The following ZFR variants were observed in gnomAD, a reference collection of about 807,000 sequenced individuals.
ZFR encodes zinc finger RNA binding protein, also known as zinc finger RNA-binding protein.
A neutral mutation model predicts 130.7 loss-of-function variants in ZFR; 19 were observed. The observed-to-expected ratio is 0.15, with a 90% CI of 0.10 to 0.21. The LOEUF is 0.21. Ranked by LOEUF, ZFR falls within the 10% of genes least tolerant of loss-of-function variation. ZFR has a pLI of 1.00. For missense variants in ZFR, 872 were observed against 1,321.5 expected (o/e 0.66, Z 5.27); for synonymous variants, 466 against 456.9 (o/e 1.02, Z -0.25).
rs773531753 is a variant in ZFR at position 32,403,237 on chromosome 5, G to C, written c.1385C>G (p.Ala462Gly). 3.1e-6 allele frequency: 5 copies of C among 1,614,196 alleles called. No individual in the cohort carries two copies. In the South Asian group the frequency reaches 5.5e-5, roughly 18 times the overall value. Residue 462 changes from alanine to glycine, a missense_variant, in exon 8 of 20, where the codon GCA becomes GGA. This residue lies in a region of ZFR where 143 missense variants were observed against 137.9 expected (regional missense o/e 1.04). Transcript: ENST00000265069. ...CGTAAGACCCTTCATTGAAGACGTT[G>C]CAACTGATGACGTATTCACAGTACA... Reference protein sequence around the residue: ...NNCTVNTSSVATSSMKGLTTT... With the variant: ...NNCTVNTSSVGTSSMKGLTTT...
intron 17 of ZFR, among the ~76,000 whole-genome samples, chr5:32,373,569 A>G (rs2111689504): frequency 6.6e-6 from 1 of 152,366 alleles, no homozygotes; most frequent in South Asian, 2.1e-4. Context: ...CTAACTCAAG[A>G]AATTTGTAAA....
Position 32,402,709 on chromosome 5 carries a change from T to C in ZFR, c.1516+397A>G, listed in dbSNP as rs140963071. Among the ~76,000 whole-genome samples the C allele has an allele frequency of 7.8e-3, 1,178 of 151,036 alleles. 16 individuals carry two copies. The highest frequency in any genetic ancestry group is 0.027 in the African/African-American group (1,113 of 41,062). On this transcript the variant is annotated intron_variant, in intron 8 of 19. Coordinates refer to ENST00000265069, the MANE Select transcript of ZFR (RefSeq NM_016107.5). ...GGGCGGATCGCTTGAGCCCTGGAAA[T>C]TGAGGCTGCAGTGAGCCAAGATCGT...
At chr5:32,436,654 A>C (rs2111867392) in intron 2 of ZFR, among the ~76,000 whole-genome samples, 1 of 152,234 alleles carries the variant, frequency 6.6e-6, no homozygotes, top group Middle Eastern at 3.4e-3. Flanking sequence ...TCTTCATTTT[A>C]TTAATAATAC....
intron 2 of ZFR, among the ~76,000 whole-genome samples, chr5:32,443,103 A>G (rs927339245): frequency 3.9e-5 from 6 of 152,246 alleles, no homozygotes; most frequent in African/African-American, 4.8e-5. Flanking sequence ...CTGGCTCCCA[A>G]TGATGCCCTT....
intron 14 of ZFR, 68 bp from the exon 15 acceptor site, chr5:32,385,717 T>C (rs1753029846): frequency 6.4e-7 from 1 of 1,565,542 alleles, no homozygotes; most frequent in Non-Finnish European, 8.7e-7. Flanking sequence ...ACTTTCATTA[T>C]GGCTCTTTCA....
intron 17 of ZFR, among the ~76,000 whole-genome samples, chr5:32,373,211 G>A (rs1581683093): frequency 6.6e-6 from 1 of 152,084 alleles, no homozygotes; most frequent in East Asian, 1.9e-4. Context: ...TGGCCAACAT[G>A]GTGAAAACCC....
chr5:32,415,513 TGTGCGCGCGCGC>T (rs1245809436), intron 4 of ZFR, among the ~76,000 whole-genome samples: 6 of 92,248 alleles, frequency 6.5e-5, no homozygotes, highest in African/African-American at 3.4e-4. Flanking sequence ...TGTGTGTGTG[TGTGCGCGCGCGC>T]GCGCGCGCAC....
intron 2 of ZFR, among the ~76,000 whole-genome samples, chr5:32,432,941 C>T (rs1055070927): frequency 6.6e-6 from 1 of 151,038 alleles, no homozygotes; most frequent in African/African-American, 2.4e-5. Context: ...GCTATGCTAC[C>T]CAGGCTGGTC....
At chr5:32,378,612 T>A (rs1468296296) in intron 17 of ZFR, among the ~76,000 whole-genome samples, 2 of 152,132 alleles carry the variant, frequency 1.3e-5, no homozygotes, top group Admixed American at 6.5e-5. Context: ...CTAGAAGAAA[T>A]CACAGCAGAT....
chr5:32,434,843 A>C (rs1262810217), intron 2 of ZFR, among the ~76,000 whole-genome samples: 2 of 152,200 alleles, frequency 1.3e-5, no homozygotes, highest in African/African-American at 2.4e-5. Context: ...TCAAAAAAGA[A>C]ACTCACTATT....
At chr5:32,419,744 T>C (rs324428) in intron 3 of ZFR, 77 bp downstream of exon 3, 638,287 of 1,482,746 alleles carry the variant, frequency 0.43, 139,076 homozygotes, top group East Asian at 0.59. Flanking sequence ...TGAGAAGCAA[T>C]GGCTAGGGCA....
intron 11 of ZFR, among the ~76,000 whole-genome samples, chr5:32,390,731 C>T (rs1408105878): frequency 6.6e-6 from 1 of 152,176 alleles, no homozygotes; most frequent in Non-Finnish European, 1.5e-5. Flanking sequence ...CCCAATGCCA[C>T]CTAAAGGAGG....
Position 32,444,642 on chromosome 5 carries a change from G to T in ZFR, c.17C>A (p.Pro6His), listed in dbSNP as rs867310751. MIPIC[P>H]VVSFTYVPSR... ...CTCACCATAGGTGAAAGAAACTACA[G>T]GGCATATGGGAATCATGGGCTCGGG... The change falls in exon 1 of 20, where the codon CCT (proline) becomes CAT (histidine). Residue 6 changes from proline (P) to histidine (H), a missense_variant. By Grantham distance (77) the Pro-to-His change is moderately conservative (BLOSUM62 -2). Around this residue, in one of 7 missense-constraint regions of ZFR, gnomAD observed 240 missense variants for 441.2 expected, o/e 0.54. Transcript: ENST00000265069. 1 of 1,510,136 alleles carries T rather than the reference G, an allele frequency of 6.6e-7. No homozygotes were observed. The highest frequency in any genetic ancestry group is 1.4e-5 in the African/African-American group (1 of 69,446). 93.5% of individuals were successfully genotyped at this position (1,510,136 alleles called of 1,614,324 possible).
chr5:32,418,997 T>C (rs575958941), intron 3 of ZFR, among the ~76,000 whole-genome samples: 9 of 152,288 alleles, frequency 5.9e-5, no homozygotes, highest in African/African-American at 1.9e-4. Flanking sequence ...TGTTATAATA[T>C]GTATTAAAAA....
Position 32,415,065 on chromosome 5 carries a change from C to G in ZFR, c.688G>C (p.Val230Leu). 6.2e-7 allele frequency: 1 copy of G among 1,614,068 alleles called. No individual in the cohort carries two copies. The highest frequency in any genetic ancestry group is 8.5e-7 in the Non-Finnish European group (1 of 1,179,982). Reference sequence around the variant, plus strand: ...GCTACTGGCTGTACGGTGGAGGATACAGGATAGATGGAGAAAGTAGTGGTA... The same window carrying G: ...GCTACTGGCTGTACGGTGGAGGATAGAGGATAGATGGAGAAAGTAGTGGTA... ...PATTTFSIYP[V>L]SSTVQPVAAA... is the part of the protein sequence containing the mutation. The change falls in exon 5 of 20, where the codon GTA (valine) becomes CTA (leucine). Residue 230 changes from valine to leucine, a missense_variant. Transcript: ENST00000265069.
chr5:32,370,685 A>G (rs1419302465), intron 17 of ZFR, among the ~76,000 whole-genome samples: 2 of 152,104 alleles, frequency 1.3e-5, no homozygotes, highest in Non-Finnish European at 2.9e-5. Context: ...TCTATAATAA[A>G]CATTAAAAAA....
Position 32,400,215 on chromosome 5 carries a change from T to A in ZFR, c.1517-12A>T. The A allele has an allele frequency of 6.4e-7, 1 of 1,550,848 alleles. No individual in the cohort carries two copies. The highest frequency in any genetic ancestry group is 8.7e-7 in the Non-Finnish European group (1 of 1,154,122). ...CAGCTTATTACCACCTAGAAAAGTA[T>A]CAAAAAGTTAAAAAAAATTTTATTT... On this transcript the variant is annotated splice_polypyrimidine_tract_variant and intron_variant, in intron 8 of 19. Coordinates refer to ENST00000265069, the MANE Select transcript of ZFR (RefSeq NM_016107.5).
chr5:32,432,995 G>A (rs1408817549), intron 2 of ZFR, among the ~76,000 whole-genome samples: 1 of 151,806 alleles, frequency 6.6e-6, no homozygotes, highest in African/African-American at 2.4e-5. Context: ...GCCTCCCAAA[G>A]TGCAGGGATT....
chr5:32,438,967 A>C (rs1754400220), intron 2 of ZFR, among the ~76,000 whole-genome samples: 1 of 152,164 alleles, frequency 6.6e-6, no homozygotes, highest in African/African-American at 2.4e-5. Flanking sequence ...TGGGATTCAA[A>C]CTCTATATAG....
Sources: gnomAD v4.1 joint callset for allele counts (sites outside exome capture counted in the v4.1 genomes callset) on GRCh38, gnomAD v4.1.1 for gene constraint, gnomAD v4.1.1 regional missense constraint, MANE v1.5 for transcripts, NCBI Gene and HGNC (gene_info 2026-07-23, HGNC 2026-07-21) for gene names.